Variants in SOX5 observed in about 807,000 individuals in gnomAD.
SOX5 encodes the protein transcription factor SOX-5.
Under a neutral mutation model 92.0 loss-of-function variants are expected in SOX5, and 9 were observed. That is an observed-to-expected ratio of 0.10 (90% CI 0.06 to 0.17). The LOEUF (loss-of-function observed/expected upper bound fraction) is 0.17. Ranked by LOEUF, SOX5 falls within the 10% of genes least tolerant of loss-of-function variation. The probability of loss-of-function intolerance (pLI) is 1.00; values close to 1 mark genes in which losing one functional copy is unlikely to be tolerated. For missense variants in SOX5, 642 were observed against 944.5 expected, an observed-to-expected ratio of 0.68 and a Z score of 4.20; for synonymous variants, 344 against 336.3, an observed-to-expected ratio of 1.02 and a Z score of -0.25.
chr12:24,332,554 A>T (rs1339948698), intron 2 of SOX5, among the ~76,000 whole-genome samples: 1 of 152,182 alleles, frequency 6.6e-6, no homozygotes, highest in African/African-American at 2.4e-5. Flanking sequence ...AACAGGCTAA[A>T]AATAAAAATT....
intron 7 of SOX5, among the ~76,000 whole-genome samples, chr12:23,652,250 T>C (rs2081671468): frequency 6.6e-6 from 1 of 152,086 alleles, no homozygotes; most frequent in South Asian, 2.1e-4. Flanking sequence ...CTATACATTC[T>C]CTTGGCTTTT....
intron 1 of SOX5, among the ~76,000 whole-genome samples, chr12:24,508,407 A>C (rs186286493): frequency 3.9e-5 from 6 of 152,298 alleles, no homozygotes; most frequent in Admixed American, 1.3e-4. Flanking sequence ...GAACTTTCTG[A>C]TGGACTGGTT....
intron 2 of SOX5, among the ~76,000 whole-genome samples, chr12:23,879,576 T>C (rs770840757): frequency 2.6e-4 from 40 of 152,264 alleles, no homozygotes; most frequent in Non-Finnish European, 5.3e-4. Flanking sequence ...CAGGGCATCA[T>C]AGGACAGATG....
intron 3 of SOX5, among the ~76,000 whole-genome samples, chr12:24,226,311 C>T (rs1246453089): frequency 6.6e-6 from 1 of 152,080 alleles, no homozygotes; most frequent in Non-Finnish European, 1.5e-5. Context: ...ATTGCAGGAA[C>T]AAGCAAATGT....
At chr12:23,548,468 G>C (rs1943570388) in intron 11 of SOX5, among the ~76,000 whole-genome samples, 1 of 152,082 alleles carries the variant, frequency 6.6e-6, no homozygotes, top group Admixed American at 6.6e-5. Context: ...GTGGGACATA[G>C]TGGAAGTCAA....
intron 2 of SOX5, among the ~76,000 whole-genome samples, chr12:24,322,838 G>T (rs1345009206): frequency 6.6e-6 from 1 of 151,982 alleles, no homozygotes; most frequent in Non-Finnish European, 1.5e-5. Flanking sequence ...AAATAATGTT[G>T]TTGTTGTTTT....
chr12:23,821,853 G>T (rs1011283495), intron 3 of SOX5, among the ~76,000 whole-genome samples: 1 of 152,092 alleles, frequency 6.6e-6, no homozygotes, highest in Non-Finnish European at 1.5e-5. Flanking sequence ...TCTTGGGAGG[G>T]TGTATGTGCC....
At chr12:23,858,934 A>C (rs1041042481) in intron 2 of SOX5, among the ~76,000 whole-genome samples, 3 of 152,180 alleles carry the variant, frequency 2.0e-5, no homozygotes, top group Non-Finnish European at 4.4e-5. Flanking sequence ...TGAAGATTTC[A>C]TTGACATTTA....
intron 1 of SOX5, among the ~76,000 whole-genome samples, chr12:24,524,230 C>T (rs947621826): frequency 2.6e-5 from 4 of 152,188 alleles, no homozygotes; most frequent in African/African-American, 7.2e-5. Flanking sequence ...TTTTAAGACT[C>T]GGACTAAGCC....
intron 2 of SOX5, among the ~76,000 whole-genome samples, chr12:24,301,755 T>C (rs1222997704): frequency 6.6e-6 from 1 of 152,136 alleles, no homozygotes; most frequent in Non-Finnish European, 1.5e-5. Flanking sequence ...GGGTGGAGGA[T>C]GAAGAAAAAT....
intron 4 of SOX5, among the ~76,000 whole-genome samples, chr12:24,097,464 C>A (rs970426048): frequency 6.6e-6 from 1 of 150,850 alleles, no homozygotes; most frequent in African/African-American, 2.4e-5. Context: ...GAACATTTAC[C>A]CCTATATTTT....
intron 3 of SOX5, among the ~76,000 whole-genome samples, chr12:23,798,086 C>A (rs1014775319): frequency 2.6e-5 from 4 of 151,916 alleles, no homozygotes; most frequent in African/African-American, 9.7e-5. Context: ...CATTCTCATT[C>A]CCCATCTCCT....
chr12:24,227,958 A>G (rs1410223608), intron 3 of SOX5: 1 of 152,270 alleles, frequency 6.6e-6, no homozygotes, highest in Non-Finnish European at 1.5e-5. Flanking sequence ...ATGCATACAT[A>G]CAAAACTTAT....
intron 3 of SOX5, among the ~76,000 whole-genome samples, chr12:23,810,236 C>T (rs1159136466): frequency 6.6e-6 from 1 of 152,062 alleles, no homozygotes; most frequent in Non-Finnish European, 1.5e-5. Flanking sequence ...TAACACACGA[C>T]AGAATATAGA....
chr12:24,509,953 T>G (rs1949156059), intron 1 of SOX5, among the ~76,000 whole-genome samples: 1 of 152,212 alleles, frequency 6.6e-6, no homozygotes, highest in Non-Finnish European at 1.5e-5. Flanking sequence ...ATGGATAAAT[T>G]TCAAAAATAT....
At chr12:23,734,449 C>T (rs2093511436) in intron 6 of SOX5, among the ~76,000 whole-genome samples, 1 of 152,134 alleles carries the variant, frequency 6.6e-6, no homozygotes, top group African/African-American at 2.4e-5. Context: ...AATTTCTTCT[C>T]AGCATAAGAT....
chr12:23,647,226 A>G (rs750441298), intron 7 of SOX5, among the ~76,000 whole-genome samples: 9 of 152,314 alleles, frequency 5.9e-5, no homozygotes, highest in Admixed American at 1.3e-4. Flanking sequence ...TGCAACTGTC[A>G]ATGAGCAGTA....
chr12:24,144,697 C>T (rs184480017), intron 4 of SOX5, among the ~76,000 whole-genome samples: 7 of 151,976 alleles, frequency 4.6e-5, no homozygotes, highest in African/African-American at 7.2e-5. Context: ...GCCTTGGAAG[C>T]GCACACCTGC....
chr12:24,394,810 T>A (rs572067919), intron 1 of SOX5, among the ~76,000 whole-genome samples: 1 of 152,234 alleles, frequency 6.6e-6, no homozygotes. Flanking sequence ...AAGGGCATCA[T>A]TTCGAAAAAT....
Sources: gnomAD v4.1 joint callset for allele counts (sites outside exome capture counted in the v4.1 genomes callset) on GRCh38, gnomAD v4.1.1 for gene constraint, MANE v1.5 for transcripts, NCBI Gene and HGNC (gene_info 2026-07-23, HGNC 2026-07-21) for gene names.